The following PDS5A variants were observed in gnomAD, a reference collection of about 807,000 sequenced individuals.
PDS5A encodes the protein sister chromatid cohesion protein PDS5 homolog A.
A neutral mutation model predicts 167.1 loss-of-function variants in PDS5A; 42 were observed. The observed-to-expected ratio is 0.25, with a 90% CI of 0.20 to 0.33. PDS5A has a LOEUF of 0.33. PDS5A is among the 10% of genes least tolerant of loss of function. The pLI is 1.00. For synonymous variants in PDS5A, 553 were observed against 554.6 expected, an observed-to-expected ratio of 1.00 and a Z score of 0.04; for missense variants, 1,033 against 1,605.9, an observed-to-expected ratio of 0.64 and a Z score of 6.10.
At chr4:39,954,459 C>T (rs1393453036) in intron 2 of PDS5A, among the ~76,000 whole-genome samples, 2 of 151,894 alleles carry the variant, frequency 1.3e-5, no homozygotes, top group South Asian at 2.1e-4. Context: ...GCTGGGATTA[C>T]GGGCATGTGC....
intron 17 of PDS5A, among the ~76,000 whole-genome samples, chr4:39,888,094 C>A (rs543374011): frequency 6.6e-6 from 1 of 151,778 alleles, no homozygotes; most frequent in African/African-American, 2.4e-5. Flanking sequence ...TACTAAAAAA[C>A]AAAAATTAGC....
Position 39,902,454 on chromosome 4 carries a change from C to G in PDS5A, c.1392G>C (p.Leu464Phe). Residue 464 changes from leucine (L) to phenylalanine (F), a missense_variant, in exon 13 of 33, where the codon TTG (leucine) becomes TTC (phenylalanine). This residue lies in a region of PDS5A where 388 missense variants were observed against 615.1 expected (regional missense o/e 0.63). Transcript: ENST00000303538. Reference protein sequence around the residue: ...YYQNSIDDKLLVEKIFAQYLV... With the variant: ...YYQNSIDDKLFVEKIFAQYLV... ...GATACTGAGCAAAGATTTTCTCTAC[C>G]AACAGTCTAGGAAATAACAACAACA... is the stretch of plus-strand genomic sequence containing the variant. 2 of 1,496,220 alleles carry G rather than the reference C, an allele frequency of 1.3e-6. No individual in the cohort carries two copies. The highest frequency in any genetic ancestry group is 1.2e-5 in the South Asian group (1 of 82,818). 92.7% of individuals were successfully genotyped at this position (1,496,220 alleles called of 1,614,324 possible).
intron 2 of PDS5A, among the ~76,000 whole-genome samples, chr4:39,951,325 A>G (rs762693707): frequency 1.3e-5 from 2 of 152,222 alleles, no homozygotes; most frequent in Non-Finnish European, 2.9e-5. Context: ...TGTCTGGCAT[A>G]CATGGGGGCT....
intron 8 of PDS5A, among the ~76,000 whole-genome samples, chr4:39,916,227 A>C (rs1724367120): frequency 6.6e-6 from 1 of 152,106 alleles, no homozygotes; most frequent in South Asian, 2.1e-4. Context: ...AGACTGAGAC[A>C]AGAGGATCAC....
intron 20 of PDS5A, 79 bp downstream of exon 20, chr4:39,874,210 A>G: frequency 1.6e-6 from 2 of 1,243,170 alleles, no homozygotes; most frequent in Non-Finnish European, 2.3e-6. Context: ...GCTTTAAAAA[A>G]TCTAGCTTCC....
chr4:39,844,278 C>T (rs949459034), intron 30 of PDS5A, among the ~76,000 whole-genome samples: 4 of 152,030 alleles, frequency 2.6e-5, no homozygotes, highest in Admixed American at 6.6e-5. Flanking sequence ...AGTTCGAGAC[C>T]AGCCTGGCCA....
intron 5 of PDS5A, among the ~76,000 whole-genome samples, chr4:39,924,203 A>G (rs1725262563): frequency 2.0e-5 from 3 of 152,138 alleles, no homozygotes; most frequent in Admixed American, 2.0e-4. Flanking sequence ...TTACGGCCAG[A>G]TATTGACCAG....
At position 39,844,815 on chromosome 4, in the gene PDS5A, CAAAA is replaced by C. The variant is rs759662260; in HGVS notation, c.3403-18_3403-15del. On this transcript the variant is annotated splice_polypyrimidine_tract_variant and intron_variant, in intron 29 of 32. Transcript: ENST00000303538. ...AGCAGGCTTTGGCTAAAAACAAAAA[CAAAA>C]AACCCCCCAAAAACACACACGTTTA... is the stretch of plus-strand genomic sequence containing the variant. 3.1e-6 allele frequency: 5 copies of C among 1,587,470 alleles called. No homozygotes were observed. The African/African-American group carries it at 6.8e-5, about 22-fold the overall frequency.
chr4:39,909,090 T>A (rs1723661599), intron 10 of PDS5A, among the ~76,000 whole-genome samples: 1 of 145,024 alleles, frequency 6.9e-6, no homozygotes, highest in South Asian at 2.2e-4. Flanking sequence ...TAAAATAAAA[T>A]AAAATACTTC....
At chr4:39,857,371 A>T (rs1267402505) in intron 26 of PDS5A, among the ~76,000 whole-genome samples, 1 of 151,320 alleles carries the variant, frequency 6.6e-6, no homozygotes, top group Admixed American at 6.6e-5. Flanking sequence ...AAAAAAAAGG[A>T]AAGAAATAGC....
At chr4:39,947,069 C>T (rs143666069) in intron 2 of PDS5A, among the ~76,000 whole-genome samples, 85 of 152,140 alleles carry the variant, frequency 5.6e-4, no homozygotes, top group African/African-American at 2.0e-3. Context: ...ACAGGAAGAC[C>T]CTATCTCTAT....
In PDS5A at chr4:39,824,521, T is replaced by C. The variant is rs1313528727; in HGVS notation, c.*964A>G. The C allele has an allele frequency of 1.8e-4, 28 of 152,678 alleles. No individual in the cohort carries two copies. 9.5% of individuals were successfully genotyped at this position (152,678 alleles called of 1,614,324 possible). On this transcript the variant is annotated 3_prime_UTR_variant, in exon 33 of 33. Coordinates refer to ENST00000303538, the MANE Select transcript of PDS5A (RefSeq NM_001100399.2). ...CAAATAGCACAATGCTGAAAATTGA[T>C]AGCAATCCTAAAACACCTCCAACTT...
chr4:39,949,301 CAAAAA>C (rs71645201), intron 2 of PDS5A, among the ~76,000 whole-genome samples: 1 of 93,942 alleles, frequency 1.1e-5, no homozygotes, highest in Admixed American at 1.4e-4. Flanking sequence ...GAACCTATCT[CAAAAA>C]AAAAAAAAAA....
At chr4:39,934,615 C>CTTTTTTTTTTT (rs5857707) in intron 2 of PDS5A, among the ~76,000 whole-genome samples, 1 of 127,592 alleles carries the variant, frequency 7.8e-6, no homozygotes, top group African/African-American at 3.0e-5. Context: ...CTTTTTTTTT[C>CTTTTTTTTTTT]TTTTTTTTTT....
At chr4:39,969,279 T>C (rs1730278876) in intron 2 of PDS5A, among the ~76,000 whole-genome samples, 1 of 152,172 alleles carries the variant, frequency 6.6e-6, no homozygotes, top group African/African-American at 2.4e-5. Flanking sequence ...CCTGAAAAAT[T>C]AGAACAGAAA....
intron 32 of PDS5A, among the ~76,000 whole-genome samples, chr4:39,831,603 T>C (rs1286263637): frequency 6.6e-6 from 1 of 151,434 alleles, no homozygotes; most frequent in Non-Finnish European, 1.5e-5. Context: ...AAGGGATGGG[T>C]GCGATGGCTC....
Position 39,823,761 on chromosome 4 carries a change from T to C in PDS5A, c.*1724A>G, listed in dbSNP as rs989446262. 1 of 152,624 alleles carries C rather than the reference T, an allele frequency of 6.6e-6. No homozygotes were observed. The highest frequency in any genetic ancestry group is 2.4e-5 in the African/African-American group (1 of 41,456). The allele number at this position is 152,624 out of a possible 1,614,324, so 9.5% of individuals were successfully genotyped here. On this transcript the variant is annotated 3_prime_UTR_variant, in exon 33 of 33. Coordinates refer to ENST00000303538, the MANE Select transcript of PDS5A (RefSeq NM_001100399.2). ...GCCCCTGTAAAGGTATCATTTTCTA[T>C]CATTGGTATCCATTGTTCCCTAAGC...
At chr4:39,882,017 T>G (rs990260506) in intron 17 of PDS5A, among the ~76,000 whole-genome samples, 4 of 152,190 alleles carry the variant, frequency 2.6e-5, no homozygotes, top group African/African-American at 2.4e-5. Context: ...TGCTCTTGCT[T>G]CATCTTCCAC....
At chr4:39,855,482 G>T (rs1159402579) in intron 26 of PDS5A, among the ~76,000 whole-genome samples, 1 of 152,084 alleles carries the variant, frequency 6.6e-6, no homozygotes, top group Non-Finnish European at 1.5e-5. Flanking sequence ...AATTCACAGG[G>T]AAGAAGAAAG....
Sources: allele counts gnomAD v4.1 joint callset (sites outside exome capture counted in the v4.1 genomes callset), GRCh38; gene constraint gnomAD v4.1.1; regional missense constraint gnomAD v4.1.1; transcripts MANE v1.5; gene names NCBI Gene and HGNC (gene_info 2026-07-23, HGNC 2026-07-21).